HDAC4: variants seen among roughly 807,000 people sequenced by gnomAD.
HDAC4 encodes histone deacetylase 4, also known as histone deacetylase A.
Under a neutral mutation model 135.1 loss-of-function variants are expected in HDAC4, and 16 were observed. That is an observed-to-expected ratio of 0.12 (90% CI 0.08 to 0.18). The LOEUF (loss-of-function observed/expected upper bound fraction) is 0.18. Among genes scored for constraint, HDAC4 ranks in the 10% least tolerant of loss-of-function variants. The pLI is 1.00. For missense variants in HDAC4, 1,143 were observed against 1,511.8 expected (o/e 0.76, Z 4.05); for synonymous variants, 685 against 653.4 (o/e 1.05, Z -0.74).
intron 6 of HDAC4, among the ~76,000 whole-genome samples, chr2:239,160,660 G>A (rs533762353): frequency 3.3e-5 from 5 of 152,376 alleles, no homozygotes; most frequent in East Asian, 3.9e-4. Flanking sequence ...TTGTCACTGC[G>A]GAGTAGCAGT....
intron 3 of HDAC4, among the ~76,000 whole-genome samples, chr2:239,200,195 C>T (rs1216445573): frequency 6.6e-6 from 1 of 152,196 alleles, no homozygotes; most frequent in Non-Finnish European, 1.5e-5. Context: ...GAGGGACGGA[C>T]ATGCGTGTTT....
At chr2:239,090,197 G>T (rs924181932) in intron 17 of HDAC4, 81 bp from the exon 18 acceptor site, 2 of 999,362 alleles carry the variant, frequency 2.0e-6, no homozygotes, top group South Asian at 1.3e-5. Context: ...AGCAGCTCAG[G>T]TTCCGTGGGC....
intron 3 of HDAC4, among the ~76,000 whole-genome samples, chr2:239,210,865 GCGGCACCTTCCA>G (rs1437732601): frequency 6.6e-6 from 1 of 152,170 alleles, no homozygotes; most frequent in Non-Finnish European, 1.5e-5. Context: ...ACCAGCTCCT[GCGGCACCTTCCA>G]CGGGACAAGG....
chr2:239,261,423 G>A (rs543290620), intron 2 of HDAC4, among the ~76,000 whole-genome samples: 16 of 152,296 alleles, frequency 1.1e-4, no homozygotes, highest in South Asian at 1.0e-3. Flanking sequence ...CTGCACAGAC[G>A]GAAGCAAACC....
chr2:239,148,333 G>T lies in HDAC4; in HGVS notation c.734-3619C>A, dbSNP rs185329889. On this transcript the variant is annotated intron_variant, in intron 7 of 26. Coordinates refer to ENST00000543185, the MANE Select transcript of HDAC4 (RefSeq NM_001378414.1). The stretch of plus-strand genomic sequence containing the variant: ...ATAAAAGGATAAAAAGATGAAAAAT[G>T]GGAGTGCAAAGGTCGTACAACAAAT... Among the ~76,000 whole-genome samples the T allele has an allele frequency of 3.3e-5, 5 of 152,320 alleles. No individual in the cohort carries two copies. The East Asian group carries it at 9.6e-4, about 29-fold the overall frequency.
chr2:239,056,337 G>A (rs1373915094), intron 24 of HDAC4, among the ~76,000 whole-genome samples: 4 of 152,210 alleles, frequency 2.6e-5, no homozygotes, highest in Admixed American at 6.5e-5. Flanking sequence ...AGAACAGCTC[G>A]GTCCAAGGCT....
intron 12 of HDAC4, among the ~76,000 whole-genome samples, chr2:239,117,755 C>A (rs2039273775): frequency 6.6e-6 from 1 of 152,146 alleles, no homozygotes; most frequent in South Asian, 2.1e-4. Context: ...ATTCATCTGT[C>A]CCCGTGGGGA....
chr2:239,232,519 G>A (rs890578208), intron 3 of HDAC4, among the ~76,000 whole-genome samples: 1 of 148,170 alleles, frequency 6.7e-6, no homozygotes, highest in Non-Finnish European at 1.5e-5. Flanking sequence ...GATCTGCCTC[G>A]GTGTCAAGTC....
chr2:239,310,899 C>T (rs1222251406), intron 2 of HDAC4, among the ~76,000 whole-genome samples: 1 of 152,224 alleles, frequency 6.6e-6, no homozygotes, highest in African/African-American at 2.4e-5. Context: ...CCACGTCCAA[C>T]ACCACCACGG....
chr2:239,100,234 C>T (rs906720430), intron 16 of HDAC4, among the ~76,000 whole-genome samples: 1 of 152,248 alleles, frequency 6.6e-6, no homozygotes, highest in African/African-American at 2.4e-5. Flanking sequence ...GGAACTCCTG[C>T]TGTTTGGACC....
intron 3 of HDAC4, among the ~76,000 whole-genome samples, chr2:239,205,980 A>G (rs993292815): frequency 6.6e-6 from 1 of 152,218 alleles, no homozygotes; most frequent in African/African-American, 2.4e-5. Flanking sequence ...AGGTTGGGGC[A>G]GGATCCATCA....
At chr2:239,351,340 C>T (rs62182142) in intron 2 of HDAC4, among the ~76,000 whole-genome samples, 13,450 of 152,212 alleles carry the variant, frequency 0.088, 780 homozygotes, top group Non-Finnish European at 0.12. Context: ...CCAAAAGATG[C>T]TTATAACACA....
intron 2 of HDAC4, among the ~76,000 whole-genome samples, chr2:239,265,969 T>C (rs1278109552): frequency 1.3e-5 from 2 of 152,264 alleles, no homozygotes; most frequent in Middle Eastern, 3.4e-3. Flanking sequence ...CTGTCCATCC[T>C]CATACACCAA....
chr2:239,296,126 A>G (rs2051874064), intron 2 of HDAC4, among the ~76,000 whole-genome samples: 1 of 152,246 alleles, frequency 6.6e-6, no homozygotes, highest in Admixed American at 6.5e-5. Flanking sequence ...GGGGAGCACC[A>G]AACTGGAGCC....
chr2:239,328,765 G>A (rs920989869), intron 2 of HDAC4, among the ~76,000 whole-genome samples: 1 of 152,200 alleles, frequency 6.6e-6, no homozygotes, highest in Non-Finnish European at 1.5e-5. Context: ...GGCGCCCGCT[G>A]GCCCTCTTTA....
At chr2:239,351,676 A>C (rs538878207) in intron 2 of HDAC4, 3 of 154,522 alleles carry the variant, frequency 1.9e-5, no homozygotes, top group East Asian at 3.9e-4. Context: ...GATTCCACCC[A>C]GGGAAAGATG....
intron 2 of HDAC4, among the ~76,000 whole-genome samples, chr2:239,282,876 A>C (rs780482390): frequency 7.9e-5 from 12 of 151,624 alleles, no homozygotes; most frequent in Non-Finnish European, 1.8e-4. Context: ...ACCACTCTCC[A>C]TGTACATACC....
intron 9 of HDAC4, among the ~76,000 whole-genome samples, chr2:239,135,637 T>C (rs1303487876): frequency 2.0e-5 from 3 of 152,228 alleles, no homozygotes; most frequent in Admixed American, 1.3e-4. Context: ...TAACCTTTGA[T>C]GCTGGAGCTC....
rs1227862466 is a variant in HDAC4, at chr2:239,115,003, AG to A, written c.1791+49del. 1.1e-5 allele frequency: 17 copies of A among 1,599,800 alleles called. No homozygotes were observed. The highest frequency in any genetic ancestry group is 1.4e-5 in the Non-Finnish European group (17 of 1,177,172). Reference sequence around the variant, plus strand: ...CACAGAAGATGCCACCTGGGGACCGAGGGTGGCTGTGCGTGCCAGCCTTCTG... The same window carrying A: ...CACAGAAGATGCCACCTGGGGACCGAGGTGGCTGTGCGTGCCAGCCTTCTG... On this transcript the variant is annotated intron_variant, in intron 13 of 26. Transcript: ENST00000543185. This position sits in a 1 kb window ranked among gnomAD's most constrained non-coding sequence, Gnocchi z 6.3.
Sources: allele counts gnomAD v4.1 joint callset (sites outside exome capture counted in the v4.1 genomes callset), GRCh38; gene constraint gnomAD v4.1.1; non-coding constraint Gnocchi (gnomAD v3.1); transcripts MANE v1.5; gene names NCBI Gene and HGNC (gene_info 2026-07-23, HGNC 2026-07-21).